Variants in TBCD observed in about 807,000 individuals in gnomAD.
TBCD encodes tubulin-specific chaperone D.
In TBCD, 105 loss-of-function variants were observed where a neutral mutation model predicts 169.3. That is an observed-to-expected ratio of 0.62 (90% CI 0.53 to 0.73). The LOEUF is 0.73. Ranked by LOEUF, TBCD falls within the 30% of genes least tolerant of loss-of-function variation. TBCD has a pLI of 0.00. For missense variants in TBCD, 1,444 were observed against 1,600.1 expected (o/e 0.90, Z 1.66); for synonymous variants, 700 against 643.9 (o/e 1.09, Z -1.32).
chr17:82,868,643 G>C (rs1301027326), intron 13 of TBCD, among the ~76,000 whole-genome samples: 2 of 152,162 alleles, frequency 1.3e-5, no homozygotes, highest in African/African-American at 4.8e-5. Flanking sequence ...TGTTTATAGA[G>C]AATAAAAGAT....
intron 13 of TBCD, among the ~76,000 whole-genome samples, chr17:82,851,011 C>G (rs2055745939): frequency 6.6e-6 from 1 of 152,194 alleles, no homozygotes; most frequent in Non-Finnish European, 1.5e-5. Flanking sequence ...ATAATTGATA[C>G]AGAACCGTGT....
At chr17:82,916,655 C>T (rs1307122157) in intron 23 of TBCD, among the ~76,000 whole-genome samples, 3 of 152,126 alleles carry the variant, frequency 2.0e-5, no homozygotes, top group African/African-American at 7.2e-5. Context: ...AGCTGCCAGT[C>T]TACTTATTAC....
At chr17:82,793,505 G>A (rs1445244102) in intron 7 of TBCD, among the ~76,000 whole-genome samples, 1 of 152,212 alleles carries the variant, frequency 6.6e-6, no homozygotes, top group East Asian at 1.9e-4. Context: ...TGGTGGGAAG[G>A]TTCTTTTCCT....
At chr17:82,758,158 G>A (rs1001721028) in intron 2 of TBCD, among the ~76,000 whole-genome samples, 1 of 151,774 alleles carries the variant, frequency 6.6e-6, no homozygotes, top group African/African-American at 2.4e-5. Context: ...GGAGGCCGGG[G>A]CGGGTGGATC....
intron 34 of TBCD, among the ~76,000 whole-genome samples, chr17:82,935,606 C>T (rs145169384): frequency 1.4e-3 from 216 of 152,168 alleles, no homozygotes; most frequent in Non-Finnish European, 2.4e-3. Flanking sequence ...AGAAATGACA[C>T]CACGTATTCT....
rs1366069308 is a variant in TBCD, at chr17:82,870,386, C to A, written c.1475+6C>A. On this transcript the variant is annotated splice_donor_region_variant and intron_variant, in intron 14 of 38. Coordinates refer to ENST00000355528, the MANE Select transcript of TBCD (RefSeq NM_005993.5). ...TTTGTGACTGCAATCTCGAGGTAGG[C>A]CCATTCGTCGAGGTACATCGGATGC... 22 of 1,611,332 alleles carry A rather than the reference C, an allele frequency of 1.4e-5. No individual in the cohort carries two copies. Among genetic ancestry groups the A allele is most frequent in the Non-Finnish European group, 1.9e-5 (22 of 1,178,816 alleles).
Position 82,923,551 on chromosome 17 carries a change from G to C in TBCD, c.2179-101G>C. ...ACCTCAGGGTGACCACGGTGTCCCT[G>C]GTCAGGTGCTTCTCCGACTTCAGAG... On this transcript the variant is annotated intron_variant, in intron 25 of 38. Coordinates refer to ENST00000355528, the MANE Select transcript of TBCD (RefSeq NM_005993.5). This position sits in a 1 kb window ranked among gnomAD's most constrained non-coding sequence, Gnocchi z 4.6. 1 of 951,268 alleles carries C rather than the reference G, an allele frequency of 1.1e-6. No individual in the cohort carries two copies. Among genetic ancestry groups the C allele is most frequent in the South Asian group, 1.4e-5 (1 of 69,630 alleles). The allele number at this position is 951,268 out of a possible 1,614,324, so 58.9% of individuals were successfully genotyped here.
At chr17:82,840,507 C>G (rs2054378875) in intron 13 of TBCD, 1 of 152,244 alleles carries the variant, frequency 6.6e-6, no homozygotes, top group Non-Finnish European at 1.5e-5. Context: ...GACCTTCCAC[C>G]CTCTACCCTG....
chr17:82,839,120 A>C (rs2054239907), intron 13 of TBCD, among the ~76,000 whole-genome samples: 1 of 152,246 alleles, frequency 6.6e-6, no homozygotes, highest in Admixed American at 6.5e-5. Flanking sequence ...GCCCAATTTT[A>C]AACTTCATGT....
At chr17:82,935,113 G>C (rs956778204) in intron 34 of TBCD, among the ~76,000 whole-genome samples, 1 of 152,080 alleles carries the variant, frequency 6.6e-6, no homozygotes. Flanking sequence ...AATACCTCCT[G>C]CCATGTCCTG....
intron 23 of TBCD, chr17:82,918,324 C>G (rs1168046257): frequency 6.6e-6 from 1 of 152,270 alleles, no homozygotes; most frequent in Non-Finnish European, 1.5e-5. Context: ...CAGAGACAGC[C>G]CCTGCCCTTT....
rs1004317347 is a variant in TBCD at position 82,876,884 on chromosome 17, C to G, written c.1475+6504C>G. On this transcript the variant is annotated intron_variant, in intron 14 of 38. Transcript: ENST00000355528. Reference sequence around the variant, plus strand: ...TGCTGAGTACTGCCGGGAGAGGGAGCCGGGAGTGCCTGCGTCTCCTGCTGT... The same window carrying G: ...TGCTGAGTACTGCCGGGAGAGGGAGGCGGGAGTGCCTGCGTCTCCTGCTGT... The G allele has an allele frequency of 3.8e-6, 3 of 784,806 alleles. No homozygotes were observed. In the African/African-American group the frequency reaches 5.6e-5, roughly 15 times the overall value. The allele number at this position is 784,806 out of a possible 1,614,324, so 48.6% of individuals were successfully genotyped here. A position where few individuals can be genotyped will look rare whatever the true frequency, so the allele number is the denominator to read the frequency against.
rs746575465 is a variant in TBCD at position 82,831,252 on chromosome 17, G to A, written c.1318+16318G>A. 1 of 1,613,838 alleles carries A rather than the reference G, an allele frequency of 6.2e-7. No homozygotes were observed. The highest frequency in any genetic ancestry group is 2.2e-5 in the East Asian group (1 of 44,880). On this transcript the variant is annotated intron_variant, in intron 13 of 38. Coordinates refer to ENST00000355528, the MANE Select transcript of TBCD (RefSeq NM_005993.5). This position sits in a 1 kb window ranked among gnomAD's most constrained non-coding sequence, Gnocchi z 4.6. ...CCGTGGCTGCACTCCCTGCGCGGGG[G>A]CTCATTTTGGACCCTTCCGTGTCTC...
chr17:82,867,008 G>A (rs2057218863), intron 13 of TBCD, among the ~76,000 whole-genome samples: 1 of 152,222 alleles, frequency 6.6e-6, no homozygotes, highest in African/African-American at 2.4e-5. Flanking sequence ...GTTAGTGGAC[G>A]CTGTGTCTGC....
chr17:82,887,131 C>CTGTGTGTGTGTGTGTG lies in TBCD; in HGVS notation c.1534-2514_1534-2499dup, dbSNP rs771003321. On this transcript the variant is annotated intron_variant, in intron 15 of 38. Coordinates refer to ENST00000355528, the MANE Select transcript of TBCD (RefSeq NM_005993.5). ...CTTCTTCCTTGGTTTTACCTGTACT[C>CTGTGTGTGTGTGTGTG]TGTGTGTGTGTGTGTGTGTGTGTGT... Among the ~76,000 whole-genome samples the CTGTGTGTGTGTGTGTG allele has an allele frequency of 8.4e-4, 104 of 123,412 alleles. 1 individual carries two copies. The highest frequency in any genetic ancestry group is 2.0e-3 in the African/African-American group (59 of 29,790). The allele number at this position is 123,412 out of a possible 152,430, so 81.0% of individuals were successfully genotyped here. A position where few individuals can be genotyped will look rare whatever the true frequency, so the allele number is the denominator to read the frequency against.
chr17:82,880,290 C>T lies in TBCD; in HGVS notation c.1476-3855C>T, dbSNP rs1038998135. ...CTGCCTCCCACAGACAGATGGAGCA[C>T]AGGTGTAGCCAGGGCCGCTGGTGTG... On this transcript the variant is annotated intron_variant, in intron 14 of 38. Transcript: ENST00000355528. This position sits in a 1 kb window ranked among gnomAD's most constrained non-coding sequence, Gnocchi z 5.0. 1.3e-5 allele frequency among the ~76,000 whole-genome samples: 2 copies of T among 152,204 alleles called. No individual in the cohort carries two copies. The highest frequency in any genetic ancestry group is 4.8e-5 in the African/African-American group (2 of 41,438).
At chr17:82,865,645 C>A in intron 13 of TBCD, 2 of 657,038 alleles carry the variant, frequency 3.0e-6, no homozygotes, top group Non-Finnish European at 3.8e-6. Flanking sequence ...AAGTCCAGCA[C>A]GATGCAGTTT....
rs2061445243 is a variant in TBCD, at chr17:82,922,003, TG to T, written c.2178+427del. 6.6e-6 allele frequency among the ~76,000 whole-genome samples: 1 copy of T among 151,852 alleles called. No individual in the cohort carries two copies. Among genetic ancestry groups the T allele is most frequent in the Non-Finnish European group, 1.5e-5 (1 of 67,928 alleles). On this transcript the variant is annotated intron_variant, in intron 25 of 38. Coordinates refer to ENST00000355528, the MANE Select transcript of TBCD (RefSeq NM_005993.5). This position sits in a 1 kb window ranked among gnomAD's most constrained non-coding sequence, Gnocchi z 4.1. ...CCTGGTCATGTTGTGTGGGTGCCAG[TG>T]TGTGTGTGTGTCCCCGGCCACCTGC... is the stretch of plus-strand genomic sequence containing the variant.
rs755757820 is a variant in TBCD, at chr17:82,929,507, A to G, written c.2991+7A>G. On this transcript the variant is annotated splice_region_variant and intron_variant, in intron 32 of 38. Coordinates refer to ENST00000355528, the MANE Select transcript of TBCD (RefSeq NM_005993.5). ...CGGCTTGACGGAGTCGACGGTGAGG[A>G]GGCGTCGGGCTGGCTGGGGCAGGAG... The G allele has an allele frequency of 1.9e-6, 3 of 1,603,542 alleles. No homozygotes were observed. Among genetic ancestry groups the G allele is most frequent in the Non-Finnish European group, 2.5e-6 (3 of 1,179,782 alleles).
Sources: allele counts gnomAD v4.1 joint callset (sites outside exome capture counted in the v4.1 genomes callset), GRCh38; gene constraint gnomAD v4.1.1; non-coding constraint Gnocchi (gnomAD v3.1); transcripts MANE v1.5; gene names NCBI Gene and HGNC (gene_info 2026-07-23, HGNC 2026-07-21).